The following STXBP3 variants were observed in gnomAD, a reference collection of about 807,000 sequenced individuals.
STXBP3 encodes the protein syntaxin-binding protein 3.
STXBP3 carries 41 observed loss-of-function variants against 85.7 expected under a neutral mutation model. That is an observed-to-expected ratio of 0.48 (90% CI 0.37 to 0.62). STXBP3 has a LOEUF of 0.62. STXBP3 is among the 20% of genes least tolerant of loss of function. The probability of loss-of-function intolerance (pLI) is 0.00; values close to 1 mark genes in which losing one functional copy is unlikely to be tolerated. For synonymous variants in STXBP3, 229 were observed against 231.7 expected (o/e 0.99, Z 0.10); for missense variants, 563 against 703.1 (o/e 0.80, Z 2.25).
chr1:108,808,209 G>C (rs11102473), intron 18 of STXBP3, among the ~76,000 whole-genome samples: 69,223 of 152,040 alleles, frequency 0.46, 16,144 homozygotes, highest in Non-Finnish European at 0.51. Context: ...GGCCTGTGTG[G>C]AATTAAGTTT....
chr1:108,752,629 C>T (rs183884772), intron 2 of STXBP3, among the ~76,000 whole-genome samples: 330 of 152,290 alleles, frequency 2.2e-3, no homozygotes, highest in African/African-American at 7.7e-3. Flanking sequence ...TGGCTCCTTG[C>T]ACAAGTTACT....
In STXBP3 at chr1:108,796,646, T is replaced by C. The variant is rs1328219632; in HGVS notation, c.1276T>C (p.Leu426=). 8.7e-6 allele frequency: 14 copies of C among 1,613,400 alleles called. No homozygotes were observed. The highest frequency in any genetic ancestry group is 1.7e-5 in the Admixed American group (1 of 59,934). The part of the protein sequence containing the change: ...NGTTEENLDR[L]IQNVKIENES... ...AACTACGGAAGAAAATTTGGACAGG[T>C]TGATCCAGAATGTAAAGATAGAAAA... The change falls in exon 15 of 19, where the codon TTG becomes CTG. Residue 426 remains leucine, a synonymous_variant. Coordinates refer to ENST00000370008, the MANE Select transcript of STXBP3 (RefSeq NM_007269.4).
intron 6 of STXBP3, among the ~76,000 whole-genome samples, chr1:108,762,664 T>A (rs1045324497): frequency 6.6e-6 from 1 of 152,196 alleles, no homozygotes; most frequent in African/African-American, 2.4e-5. Context: ...ATTCCATTTT[T>A]TCTTCCTACC....
intron 17 of STXBP3, among the ~76,000 whole-genome samples, chr1:108,805,582 G>A (rs1039019181): frequency 6.6e-6 from 1 of 152,078 alleles, no homozygotes; most frequent in African/African-American, 2.4e-5. Context: ...GCGCCACCAT[G>A]CCCAGCTAAT....
At chr1:108,760,274 G>A (rs922512038) in intron 6 of STXBP3, among the ~76,000 whole-genome samples, 189 bp downstream of exon 6, 2 of 152,100 alleles carry the variant, frequency 1.3e-5, no homozygotes, top group East Asian at 3.8e-4. Flanking sequence ...AAAATGAATA[G>A]CAGGGCTTAA....
chr1:108,787,296 T>G (rs938878004), intron 11 of STXBP3, among the ~76,000 whole-genome samples: 3 of 152,158 alleles, frequency 2.0e-5, no homozygotes, highest in African/African-American at 7.2e-5. Flanking sequence ...AGTAATATAA[T>G]CTGTGAATAA....
intron 7 of STXBP3, among the ~76,000 whole-genome samples, chr1:108,773,868 C>T (rs140335925): frequency 1.4e-3 from 216 of 151,818 alleles, no homozygotes; most frequent in African/African-American, 5.0e-3. Flanking sequence ...ATCGAGATGA[C>T]GAACAAAATG....
At chr1:108,778,593 A>G (rs560701509) in intron 8 of STXBP3, among the ~76,000 whole-genome samples, 1 of 152,198 alleles carries the variant, frequency 6.6e-6, no homozygotes, top group South Asian at 2.1e-4. Context: ...TGCCTGTCTC[A>G]CAGGATTACT....
chr1:108,750,773 T>A (rs1023173529), intron 1 of STXBP3, among the ~76,000 whole-genome samples: 5 of 152,210 alleles, frequency 3.3e-5, no homozygotes, highest in African/African-American at 1.2e-4. Flanking sequence ...CCCACACTTC[T>A]GTCTGTCTTG....
At chr1:108,747,383 C>T in intron 1 of STXBP3, among the ~76,000 whole-genome samples, 1 of 152,110 alleles carries the variant, frequency 6.6e-6, no homozygotes, top group Non-Finnish European at 1.5e-5. Context: ...GGTGTCCAGC[C>T]GTGACATCTT....
chr1:108,808,355 T>C (rs553791024), intron 18 of STXBP3, among the ~76,000 whole-genome samples: 57 of 152,208 alleles, frequency 3.7e-4, no homozygotes, highest in African/African-American at 1.3e-3. Flanking sequence ...CTACAAAAAA[T>C]TAAAAAATAA....
At chr1:108,795,023 C>G in intron 13 of STXBP3, 116 bp downstream of exon 13, 1 of 808,990 alleles carries the variant, frequency 1.2e-6, no homozygotes, top group East Asian at 2.7e-5. Context: ...ATCACAGACT[C>G]TCTCTTATCA....
At position 108,808,981 on chromosome 1, in the gene STXBP3, A is replaced by G. The variant is rs1663401042; in HGVS notation, c.*104A>G. 1 of 743,274 alleles carries G rather than the reference A, an allele frequency of 1.3e-6. No individual in the cohort carries two copies. Among genetic ancestry groups the G allele is most frequent in the South Asian group, 2.0e-5 (1 of 51,230 alleles). 46.0% of individuals were successfully genotyped at this position (743,274 alleles called of 1,614,324 possible). On this transcript the variant is annotated 3_prime_UTR_variant, in exon 19 of 19. Coordinates refer to ENST00000370008, the MANE Select transcript of STXBP3 (RefSeq NM_007269.4). The stretch of plus-strand genomic sequence containing the variant: ...TTAAACAATGTAAATATTTTATGGA[A>G]TAATGGCTTTTCAAATACATTTCTT...
At chr1:108,765,603 C>G (rs1279462840) in intron 6 of STXBP3, among the ~76,000 whole-genome samples, 1 of 111,192 alleles carries the variant, frequency 9.0e-6, no homozygotes, top group East Asian at 2.7e-4. Context: ...GAGACGGAGT[C>G]TCATTCCATC....
intron 9 of STXBP3, chr1:108,779,891 C>T (rs1662681210): frequency 6.6e-6 from 1 of 152,162 alleles, no homozygotes; most frequent in African/African-American, 2.4e-5. Flanking sequence ...ATTTTGGTAC[C>T]TTCTACTGAG....
intron 6 of STXBP3, among the ~76,000 whole-genome samples, chr1:108,765,591 T>TTTTTTTTTTTTTTTC (rs796642937): frequency 8.2e-6 from 1 of 122,652 alleles, no homozygotes; most frequent in Non-Finnish European, 1.7e-5. Context: ...TTTTTTTTTT[T>TTTTTTTTTTTTTTTC]TGAGACGGAG....
intron 11 of STXBP3, among the ~76,000 whole-genome samples, chr1:108,787,714 T>C (rs1662888589): frequency 6.6e-6 from 1 of 152,148 alleles, no homozygotes; most frequent in Non-Finnish European, 1.5e-5. Context: ...TAGTTTTCTT[T>C]TATCAGATTA....
At position 108,746,696 on chromosome 1, in the gene STXBP3, G is replaced by A. The variant is rs1210499266; in HGVS notation, c.-42G>A. 4 of 1,547,620 alleles carry A rather than the reference G, an allele frequency of 2.6e-6. No homozygotes were observed. Among genetic ancestry groups the A allele is most frequent in the Non-Finnish European group, 3.5e-6 (4 of 1,145,046 alleles). ...GCCGCTTCTGCGGCCAAAGTAGGTTGGGAGTGGAAGGTGGTGGCTGCTGCT... is the reference window on the plus strand; with the variant it reads ...GCCGCTTCTGCGGCCAAAGTAGGTTAGGAGTGGAAGGTGGTGGCTGCTGCT... On this transcript the variant is annotated 5_prime_UTR_variant, in exon 1 of 19. Coordinates refer to ENST00000370008, the MANE Select transcript of STXBP3 (RefSeq NM_007269.4).
At chr1:108,747,384 G>A (rs1048640695) in intron 1 of STXBP3, among the ~76,000 whole-genome samples, 2 of 152,032 alleles carry the variant, frequency 1.3e-5, no homozygotes, top group Admixed American at 6.5e-5. Flanking sequence ...GTGTCCAGCC[G>A]TGACATCTTC....
Sources: allele counts gnomAD v4.1 joint callset (sites outside exome capture counted in the v4.1 genomes callset), GRCh38; gene constraint gnomAD v4.1.1; transcripts MANE v1.5; gene names NCBI Gene and HGNC (gene_info 2026-07-23, HGNC 2026-07-21).